Variants in IRS2 observed in about 807,000 individuals in gnomAD.
IRS2 encodes the protein insulin receptor substrate 2.
IRS2 carries 28 observed loss-of-function variants against 70.9 expected under a neutral mutation model. The ratio of observed to expected loss-of-function variants is 0.39; its 90% CI spans 0.29 to 0.54. The LOEUF is 0.54. Among genes scored for constraint, IRS2 ranks in the 20% least tolerant of loss-of-function variants. The pLI, the probability that IRS2 is intolerant of heterozygous loss-of-function variation, is 0.59. For missense variants in IRS2, 2,081 were observed against 2,024.1 expected, an observed-to-expected ratio of 1.03 and a Z score of -0.54; for synonymous variants, 1,217 against 981.9, an observed-to-expected ratio of 1.24 and a Z score of -4.48.
intron 1 of IRS2, among the ~76,000 whole-genome samples, chr13:109,777,059 T>C (rs901059084): frequency 6.6e-6 from 1 of 152,132 alleles, no homozygotes; most frequent in African/African-American, 2.4e-5. Flanking sequence ...CTGTCATCCG[T>C]ACTAGAGAAA....
chr13:109,781,387 T>C (rs1877694188), intron 1 of IRS2, among the ~76,000 whole-genome samples: 1 of 152,176 alleles, frequency 6.6e-6, no homozygotes, highest in South Asian at 2.1e-4. Flanking sequence ...TATGCTCAAG[T>C]TGAACACCAC....
chr13:109,786,175 C>A lies in IRS2; in HGVS notation c.-122G>T, dbSNP rs1877919809. 2 of 485,380 alleles carry A rather than the reference C, an allele frequency of 4.1e-6. No homozygotes were observed. The highest frequency in any genetic ancestry group is 8.6e-5 in the South Asian group (1 of 11,566). The allele number at this position is 485,380 out of a possible 1,614,324, so 30.1% of individuals were successfully genotyped here. On this transcript the variant is annotated 5_prime_UTR_variant, in exon 1 of 2. Transcript: ENST00000375856. This position sits in a 1 kb window ranked among gnomAD's most constrained non-coding sequence, Gnocchi z 4.4. ...GCGCCCGGCCGCCCGCCCGATCACG[C>A]GTCCCTCGGGCCCAGGCGGTGGGGA...
chr13:109,783,072 C>T lies in IRS2; in HGVS notation c.2982G>A (p.Pro994=), dbSNP rs2138931595. The change falls in exon 1 of 2, where the codon CCG becomes CCA. Residue 994 remains proline, a synonymous_variant. Coordinates refer to ENST00000375856, the MANE Select transcript of IRS2 (RefSeq NM_003749.3). The stretch of plus-strand genomic sequence containing the variant: ...CCAAGGAGCCCACGGGGTGGCCGCT[C>T]GGGGCGCCCGGCTTAGGAGACTTGG... ...SSPKSPKPGA[P]SGHPVGSLDG... The T allele has an allele frequency of 7.3e-7, 1 of 1,378,812 alleles. No homozygotes were observed. The allele number at this position is 1,378,812 out of a possible 1,614,324, so 85.4% of individuals were successfully genotyped here. A position where few individuals can be genotyped will look rare whatever the true frequency, so the allele number is the denominator to read the frequency against.
chr13:109,765,183 C>A (rs898886691), intron 1 of IRS2, among the ~76,000 whole-genome samples: 1 of 152,196 alleles, frequency 6.6e-6, no homozygotes, highest in Non-Finnish European at 1.5e-5. Context: ...AAAATGCAGG[C>A]CGACATTTAA....
intron 1 of IRS2, among the ~76,000 whole-genome samples, chr13:109,756,871 C>A (rs1877117927): frequency 6.6e-6 from 1 of 152,204 alleles, no homozygotes; most frequent in East Asian, 1.9e-4. Context: ...AAACTTCCAA[C>A]CGGATCATCT....
At chr13:109,779,826 T>C (rs1034110326) in intron 1 of IRS2, among the ~76,000 whole-genome samples, 9 of 152,208 alleles carry the variant, frequency 5.9e-5, no homozygotes, top group African/African-American at 1.9e-4. Flanking sequence ...CACAGGCTTC[T>C]GTCTGGACTT....
At chr13:109,780,831 A>G (rs1341178166) in intron 1 of IRS2, among the ~76,000 whole-genome samples, 1 of 152,194 alleles carries the variant, frequency 6.6e-6, no homozygotes, top group African/African-American at 2.4e-5. Flanking sequence ...AAAATTAAAT[A>G]AAGTCTCCCG....
rs1877897602 is a variant in IRS2, at chr13:109,785,616, G to A, written c.438C>T (p.Gly146=). 2.1e-6 allele frequency: 3 copies of A among 1,410,176 alleles called. No individual in the cohort carries two copies. The highest frequency in any genetic ancestry group is 1.5e-5 in the African/African-American group (1 of 68,186). 87.4% of individuals were successfully genotyped at this position (1,410,176 alleles called of 1,614,324 possible). ...YRALTDLVSE[G]RAAAGDAPPA... is the part of the protein sequence containing the mutation. ...GGGGCGCGTCTCCGGCGGCCGCGCG[G>A]CCCTCGCTGACCAGGTCGGTGAGCG... The change falls in exon 1 of 2, where the codon GGC becomes GGT. Residue 146 remains glycine, a synonymous_variant. Coordinates refer to ENST00000375856, the MANE Select transcript of IRS2 (RefSeq NM_003749.3). This position sits in a 1 kb window ranked among gnomAD's most constrained non-coding sequence, Gnocchi z 9.3.
Position 109,755,019 on chromosome 13 carries a change from C to T in IRS2, c.*1285G>A, listed in dbSNP as rs1877071735. On this transcript the variant is annotated 3_prime_UTR_variant, in exon 2 of 2. Coordinates refer to ENST00000375856, the MANE Select transcript of IRS2 (RefSeq NM_003749.3). ...GGCAGAACATTCTGCCGGTCAAGTT[C>T]AGCAGTTTTAGGTAACATCTGCGAG... 4.4e-6 allele frequency: 1 copy of T among 227,398 alleles called. No individual in the cohort carries two copies. The highest frequency in any genetic ancestry group is 5.7e-5 in the Admixed American group (1 of 17,560). The allele number at this position is 227,398 out of a possible 1,614,324, so 14.1% of individuals were successfully genotyped here.
intron 1 of IRS2, among the ~76,000 whole-genome samples, chr13:109,760,223 G>A (rs1434231727): frequency 6.6e-6 from 1 of 152,142 alleles, no homozygotes; most frequent in Non-Finnish European, 1.5e-5. Flanking sequence ...TATTCACTAA[G>A]AAGGAAGAGA....
intron 1 of IRS2, among the ~76,000 whole-genome samples, chr13:109,768,057 T>A (rs1344577966): frequency 6.6e-6 from 1 of 152,192 alleles, no homozygotes; most frequent in African/African-American, 2.4e-5. Context: ...ACATTTCTAG[T>A]TACATGATTT....
At position 109,783,716 on chromosome 13, in the gene IRS2, G is replaced by A. The variant is rs1419699222; in HGVS notation, c.2338C>T (p.Pro780Ser). The change falls in exon 1 of 2, where the codon CCG becomes TCG. Residue 780 changes from proline to serine, a missense_variant. Physicochemically the swap from Pro to Ser is moderately conservative, Grantham distance 74. Around this residue, in one of 4 missense-constraint regions of IRS2, gnomAD observed 1,615 missense variants for 1,459.5 expected, o/e 1.11. Coordinates refer to ENST00000375856, the MANE Select transcript of IRS2 (RefSeq NM_003749.3). ...SPSDAVTTGT[P>S]PDFFSAALHP... Reference sequence around the variant, plus strand: ...AGGGCTGCGGAGAAGAAGTCGGGCGGGGTGCCCGTGGTGACCGCGTCGCTG... The same window carrying A: ...AGGGCTGCGGAGAAGAAGTCGGGCGAGGTGCCCGTGGTGACCGCGTCGCTG... 4.4e-6 allele frequency: 7 copies of A among 1,574,064 alleles called. No homozygotes were observed. Among genetic ancestry groups the A allele is most frequent in the Non-Finnish European group, 4.3e-6 (5 of 1,159,966 alleles).
At chr13:109,763,754 C>T (rs1329117809) in intron 1 of IRS2, among the ~76,000 whole-genome samples, 2 of 152,152 alleles carry the variant, frequency 1.3e-5, no homozygotes, top group African/African-American at 4.8e-5. Flanking sequence ...ATTTTATGTA[C>T]ACCATAACAA....
intron 1 of IRS2, among the ~76,000 whole-genome samples, chr13:109,760,299 A>G (rs1309429592): frequency 1.3e-5 from 2 of 152,242 alleles, no homozygotes; most frequent in Non-Finnish European, 2.9e-5. Flanking sequence ...CGTGTTGCTC[A>G]TGAACACAAT....
rs1253250382 is a variant in IRS2 at position 109,783,761 on chromosome 13, C to T, written c.2293G>A (p.Asp765Asn). 1 of 1,593,874 alleles carries T rather than the reference C, an allele frequency of 6.3e-7. No individual in the cohort carries two copies. Among genetic ancestry groups the T allele is most frequent in the Non-Finnish European group, 8.5e-7 (1 of 1,170,586 alleles). ...TCGCTGGGGGACACGTTGAGGTAGT[C>T]CCCGTTGGGCAGCAGCTTGCCATCT... is the stretch of plus-strand genomic sequence containing the variant. ...HADGKLLPNG[D>N]YLNVSPSDAV... The change falls in exon 1 of 2, where the codon GAC becomes AAC. Residue 765 changes from aspartate to asparagine, a missense_variant. Around this residue, in one of 4 missense-constraint regions of IRS2, gnomAD observed 1,615 missense variants for 1,459.5 expected, o/e 1.11. Coordinates refer to ENST00000375856, the MANE Select transcript of IRS2 (RefSeq NM_003749.3).
chr13:109,777,980 T>G (rs896195026), intron 1 of IRS2, among the ~76,000 whole-genome samples: 1 of 152,256 alleles, frequency 6.6e-6, no homozygotes, highest in Non-Finnish European at 1.5e-5. Flanking sequence ...TTTAAGGTGC[T>G]GGCTCCATTT....
rs1341027116 is a variant in IRS2, at chr13:109,784,051, C to T, written c.2003G>A (p.Gly668Asp). Residue 668 changes from glycine (G) to aspartate (D), a missense_variant, in exon 1 of 2, where the codon GGC becomes GAC. By Grantham distance (94) the Gly-to-Asp change is moderately conservative (BLOSUM62 -1). This residue lies in a region of IRS2 where 1,615 missense variants were observed against 1,459.5 expected (regional missense o/e 1.11). Coordinates refer to ENST00000375856, the MANE Select transcript of IRS2 (RefSeq NM_003749.3). The surrounding 1 kb of genome is among the most constrained non-coding windows in gnomAD (Gnocchi z 5.2). ...CATGTAGTCGTCGCTCCTGCAGCTGCCGCTCCCACTGCCCGCGAGGGCCGC... is the reference window on the plus strand; with the variant it reads ...CATGTAGTCGTCGCTCCTGCAGCTGTCGCTCCCACTGCCCGCGAGGGCCGC... ...PGAALAGSGS[G>D]SCRSDDYMPM... 3.2e-6 allele frequency: 5 copies of T among 1,549,498 alleles called. No individual in the cohort carries two copies. Among genetic ancestry groups the T allele is most frequent in the Non-Finnish European group, 4.3e-6 (5 of 1,153,194 alleles).
Position 109,783,411 on chromosome 13 carries a change from C to G in IRS2, c.2643G>C (p.Leu881Phe). The G allele has an allele frequency of 6.7e-7, 1 of 1,486,942 alleles. No individual in the cohort carries two copies. The highest frequency in any genetic ancestry group is 8.9e-7 in the Non-Finnish European group (1 of 1,128,372). The allele number at this position is 1,486,942 out of a possible 1,614,324, so 92.1% of individuals were successfully genotyped here. ...RPSGGRPEGFLGQRGRAVRPT... is the reference protein window; with the variant it reads ...RPSGGRPEGFFGQRGRAVRPT... ...GCCTCACCGCCCGGCCGCGCTGGCC[C>G]AAGAAGCCCTCCGGGCGGCCGCCGC... The change falls in exon 1 of 2, where the codon TTG becomes TTC. Residue 881 changes from leucine to phenylalanine, a missense_variant. By Grantham distance (22) the Leu-to-Phe change is conservative (BLOSUM62 0). Transcript: ENST00000375856.
intron 1 of IRS2, among the ~76,000 whole-genome samples, chr13:109,763,384 AAGCCAGCACACTTT>A (rs1877268426): frequency 6.6e-6 from 1 of 152,236 alleles, no homozygotes; most frequent in Non-Finnish European, 1.5e-5. Context: ...ATCATTTATG[AAGCCAGCACACTTT>A]TGGAATGAAT....
Sources: gnomAD v4.1 joint callset for allele counts (sites outside exome capture counted in the v4.1 genomes callset) on GRCh38, gnomAD v4.1.1 for gene constraint, gnomAD v4.1.1 regional missense constraint, Gnocchi (gnomAD v3.1) non-coding constraint, MANE v1.5 for transcripts, NCBI Gene and HGNC (gene_info 2026-07-23, HGNC 2026-07-21) for gene names.